The following PDE3A variants were observed in gnomAD, a reference collection of about 807,000 sequenced individuals.
PDE3A encodes the protein cGMP-inhibited 3',5'-cyclic phosphodiesterase 3A.
A neutral mutation model predicts 98.3 loss-of-function variants in PDE3A; 43 were observed. That is an observed-to-expected ratio of 0.44 (90% CI 0.34 to 0.56). The LOEUF is 0.56. PDE3A is among the 20% of genes least tolerant of loss of function. The pLI is 0.01. For synonymous variants in PDE3A, 663 were observed against 567.9 expected, an observed-to-expected ratio of 1.17 and a Z score of -2.38; for missense variants, 1,427 against 1,440.7, an observed-to-expected ratio of 0.99 and a Z score of 0.15.
intron 2 of PDE3A, among the ~76,000 whole-genome samples, chr12:20,572,664 T>A (rs1942827747): frequency 6.6e-6 from 1 of 152,042 alleles, no homozygotes; most frequent in Non-Finnish European, 1.5e-5. Context: ...TGAAGGAAAA[T>A]GAAATATATA....
At position 20,614,296 on chromosome 12, in the gene PDE3A, G is replaced by T. The variant is rs1943946038; in HGVS notation, c.1269+596G>T. Among the ~76,000 whole-genome samples, 3 of 152,138 alleles carry T rather than the reference G, an allele frequency of 2.0e-5. No homozygotes were observed. In the South Asian group the frequency reaches 6.2e-4, roughly 32 times the overall value. On this transcript the variant is annotated intron_variant, in intron 3 of 15. Coordinates refer to ENST00000359062, the MANE Select transcript of PDE3A (RefSeq NM_000921.5). ...AACATTCTTTTTACATATATGGCAT[G>T]AGTTTTATGAAAGTAAATTGTAGGA... is the stretch of plus-strand genomic sequence containing the variant.
At chr12:20,551,833 G>T (rs1942211180) in intron 1 of PDE3A, 1 of 1,613,802 alleles carries the variant, frequency 6.2e-7, no homozygotes. Flanking sequence ...CAAGGGCATG[G>T]CCTGTGTGGG....
intron 5 of PDE3A, among the ~76,000 whole-genome samples, chr12:20,624,086 A>G (rs1420197787): frequency 6.6e-6 from 1 of 152,128 alleles, no homozygotes; most frequent in East Asian, 1.9e-4. Flanking sequence ...CAGATGAGGA[A>G]ACTGAGGGAA....
intron 2 of PDE3A, among the ~76,000 whole-genome samples, chr12:20,565,243 A>G (rs1406934503): frequency 1.3e-5 from 2 of 152,024 alleles, no homozygotes; most frequent in African/African-American, 4.8e-5. Flanking sequence ...ACTTGAGAGA[A>G]TAACAGGAGA....
chr12:20,603,192 TCTCTTACA>T (rs1943633478), intron 2 of PDE3A, among the ~76,000 whole-genome samples: 1 of 152,166 alleles, frequency 6.6e-6, no homozygotes, highest in African/African-American at 2.4e-5. Context: ...TTATGTGTCA[TCTCTTACA>T]CTGTTTATTC....
intron 1 of PDE3A, among the ~76,000 whole-genome samples, chr12:20,501,855 CATT>C (rs1946031542): frequency 6.6e-6 from 1 of 152,182 alleles, no homozygotes; most frequent in Admixed American, 6.5e-5. Context: ...ATTAAGCTGT[CATT>C]ATTCCAGTCT....
chr12:20,684,948 A>G lies in PDE3A; in HGVS notation c.*4677A>G, dbSNP rs1472247704. Among the ~76,000 whole-genome samples the G allele has an allele frequency of 1.3e-5, 2 of 152,222 alleles. No homozygotes were observed. Among genetic ancestry groups the G allele is most frequent in the Non-Finnish European group, 2.9e-5 (2 of 68,032 alleles). ...AGAATGGTAACATATTTTCCAGTCT[A>G]TGTTATGCACCATGGATGTTAGGCA... On this transcript the variant is annotated 3_prime_UTR_variant, in exon 16 of 16. Coordinates refer to ENST00000359062, the MANE Select transcript of PDE3A (RefSeq NM_000921.5).
At chr12:20,460,347 A>G (rs993618115) in intron 1 of PDE3A, among the ~76,000 whole-genome samples, 14 of 152,242 alleles carry the variant, frequency 9.2e-5, no homozygotes, top group Admixed American at 9.2e-4. Flanking sequence ...TGTTTTAATA[A>G]CCTGCAAGTA....
chr12:20,572,188 T>G, intron 2 of PDE3A: 1 of 1,118,366 alleles, frequency 8.9e-7, no homozygotes. Flanking sequence ...ATAACCTTTT[T>G]GTTCTATAAT....
At chr12:20,403,661 G>A (rs1008827356) in intron 1 of PDE3A, among the ~76,000 whole-genome samples, 5 of 152,100 alleles carry the variant, frequency 3.3e-5, no homozygotes, top group Non-Finnish European at 5.9e-5. Context: ...TGACAATTCC[G>A]TGATGAAAAA....
chr12:20,670,466 A>T (rs1375027228), intron 15 of PDE3A, among the ~76,000 whole-genome samples: 1 of 152,188 alleles, frequency 6.6e-6, no homozygotes, highest in African/African-American at 2.4e-5. Flanking sequence ...CTCCTCAGCA[A>T]ATGTAAAAGG....
At chr12:20,485,615 G>T (rs183829940) in intron 1 of PDE3A, among the ~76,000 whole-genome samples, 9 of 152,230 alleles carry the variant, frequency 5.9e-5, no homozygotes, top group Admixed American at 2.0e-4. Flanking sequence ...AATGGACTGA[G>T]ATTTCATAAT....
chr12:20,436,255 AAT>A (rs1159971672), intron 1 of PDE3A, among the ~76,000 whole-genome samples: 1 of 152,178 alleles, frequency 6.6e-6, no homozygotes, highest in South Asian at 2.1e-4. Context: ...TTACAGCTTC[AAT>A]GACAGCAGCT....
chr12:20,578,037 G>C (rs1299794568), intron 2 of PDE3A, among the ~76,000 whole-genome samples: 1 of 152,112 alleles, frequency 6.6e-6, no homozygotes, highest in South Asian at 2.1e-4. Context: ...GTTCCAGGGA[G>C]AAACTGGATA....
intron 1 of PDE3A, among the ~76,000 whole-genome samples, chr12:20,514,008 G>A (rs1168582946): frequency 6.6e-6 from 1 of 152,190 alleles, no homozygotes; most frequent in Non-Finnish European, 1.5e-5. Context: ...ACCATCTGTA[G>A]TCTGTTACAC....
intron 2 of PDE3A, among the ~76,000 whole-genome samples, chr12:20,585,941 T>C (rs1033314759): frequency 2.6e-5 from 4 of 152,204 alleles, no homozygotes; most frequent in African/African-American, 9.6e-5. Flanking sequence ...TGATACTGTT[T>C]GATGGAGTTC....
At position 20,368,594 on chromosome 12, in the gene PDE3A, G is replaced by A. The variant is rs1943391766; in HGVS notation, c.-691G>A. The stretch of plus-strand genomic sequence containing the variant: ...GGACTTAGCAACTTCTTATTTCTCA[G>A]CCCCTTGTCCATTTTTTTTTTTCCA... On this transcript the variant is annotated 5_prime_UTR_variant, in exon 1 of 16. Transcript: ENST00000359062. 6.7e-6 allele frequency among the ~76,000 whole-genome samples: 1 copy of A among 150,290 alleles called. No individual in the cohort carries two copies. Among genetic ancestry groups the A allele is most frequent in the African/African-American group, 2.4e-5 (1 of 40,968 alleles).
intron 2 of PDE3A, among the ~76,000 whole-genome samples, chr12:20,559,060 G>A (rs192544427): frequency 2.6e-5 from 4 of 152,216 alleles, no homozygotes; most frequent in Admixed American, 6.5e-5. Flanking sequence ...TCTGATAGAC[G>A]CAACATTACA....
chr12:20,377,611 A>G (rs897689345), intron 1 of PDE3A, among the ~76,000 whole-genome samples: 4 of 151,828 alleles, frequency 2.6e-5, no homozygotes, highest in Non-Finnish European at 5.9e-5. Context: ...TAGATTTAAT[A>G]ACAATATACA....
Sources: allele counts gnomAD v4.1 joint callset (sites outside exome capture counted in the v4.1 genomes callset), GRCh38; gene constraint gnomAD v4.1.1; transcripts MANE v1.5; gene names NCBI Gene and HGNC (gene_info 2026-07-23, HGNC 2026-07-21).